The following SIPA1L3 variants were observed in gnomAD, a reference collection of about 807,000 sequenced individuals.
SIPA1L3 encodes the protein signal-induced proliferation-associated 1-like protein 3.
A neutral mutation model predicts 150.1 loss-of-function variants in SIPA1L3; 59 were observed. The observed-to-expected ratio is 0.39, with a 90% CI of 0.32 to 0.49. SIPA1L3 has a LOEUF of 0.49. SIPA1L3 is among the 20% of genes least tolerant of loss of function. SIPA1L3 has a pLI of 0.86. For synonymous variants in SIPA1L3, 1,070 were observed against 1,077.6 expected, an observed-to-expected ratio of 0.99 and a Z score of 0.14; for missense variants, 2,211 against 2,489.5, an observed-to-expected ratio of 0.89 and a Z score of 2.38.
At chr19:38,011,989 C>T (rs1197500328) in intron 1 of SIPA1L3, among the ~76,000 whole-genome samples, 1 of 151,980 alleles carries the variant, frequency 6.6e-6, no homozygotes, top group East Asian at 1.9e-4. Context: ...GAAGGATTCT[C>T]CCATGTGTCT....
intron 16 of SIPA1L3, among the ~76,000 whole-genome samples, chr19:38,187,108 A>C (rs1972699851): frequency 6.6e-6 from 1 of 151,326 alleles, no homozygotes; most frequent in Non-Finnish European, 1.5e-5. Flanking sequence ...TGAGGCTGGG[A>C]GTTGGAAGCC....
intron 15 of SIPA1L3, among the ~76,000 whole-genome samples, chr19:38,173,879 C>G (rs1972383450): frequency 1.3e-5 from 2 of 151,796 alleles, no homozygotes; most frequent in South Asian, 4.2e-4. Flanking sequence ...AGCAGTGTTT[C>G]TGATGTGTTT....
At chr19:38,024,730 G>T (rs1296863825) in intron 1 of SIPA1L3, among the ~76,000 whole-genome samples, 1 of 152,074 alleles carries the variant, frequency 6.6e-6, no homozygotes, top group Non-Finnish European at 1.5e-5. Flanking sequence ...TTCCTGGAGG[G>T]ACATGACATA....
At chr19:38,014,794 C>T (rs998756601) in intron 1 of SIPA1L3, among the ~76,000 whole-genome samples, 9 of 151,820 alleles carry the variant, frequency 5.9e-5, no homozygotes, top group Non-Finnish European at 8.8e-5. Flanking sequence ...CTCAGCCTCC[C>T]GAGTAGCTGG....
At chr19:37,940,634 G>A (rs764102608) in intron 1 of SIPA1L3, among the ~76,000 whole-genome samples, 2 of 152,072 alleles carry the variant, frequency 1.3e-5, no homozygotes, top group Non-Finnish European at 2.9e-5. Context: ...TTAATCTATG[G>A]CTTCTCCCTC....
chr19:37,920,714 CT>C (rs1238354478), intron 1 of SIPA1L3, among the ~76,000 whole-genome samples: 1 of 151,996 alleles, frequency 6.6e-6, no homozygotes, highest in African/African-American at 2.4e-5. Context: ...TTGCTTTTTT[CT>C]TTTTTTTGTC....
chr19:38,192,010 C>T (rs1972814903), intron 16 of SIPA1L3, 135 bp from the exon 17 acceptor site: 1 of 736,934 alleles, frequency 1.4e-6, no homozygotes, highest in Non-Finnish European at 2.2e-6. Flanking sequence ...CCCTCTCTGC[C>T]ACGCGTTTGC....
intron 18 of SIPA1L3, among the ~76,000 whole-genome samples, chr19:38,196,657 AGCAAGG>A (rs1451643188): frequency 6.6e-6 from 1 of 150,764 alleles, no homozygotes; most frequent in Non-Finnish European, 1.5e-5. Flanking sequence ...TCAAGGGAAG[AGCAAGG>A]AGGCCAAGGG....
chr19:38,073,427 C>G (rs921566784), intron 2 of SIPA1L3, among the ~76,000 whole-genome samples: 5 of 152,226 alleles, frequency 3.3e-5, no homozygotes, highest in Admixed American at 3.3e-4. Flanking sequence ...GGATAGTCTT[C>G]CGTTACTCGC....
At chr19:37,956,552 C>T (rs754833657) in intron 1 of SIPA1L3, among the ~76,000 whole-genome samples, 21 of 144,608 alleles carry the variant, frequency 1.5e-4, no homozygotes, top group Non-Finnish European at 2.5e-4. Context: ...GGCACAATCT[C>T]GGCTCACTGC....
At chr19:38,112,108 CA>C (rs973502717) in intron 8 of SIPA1L3, among the ~76,000 whole-genome samples, 2 of 150,422 alleles carry the variant, frequency 1.3e-5, no homozygotes, top group African/African-American at 4.9e-5. Context: ...TACATGCACA[CA>C]CATACATGCA....
chr19:38,123,754 T>C (rs1292438669), intron 9 of SIPA1L3, among the ~76,000 whole-genome samples: 1 of 152,098 alleles, frequency 6.6e-6, no homozygotes, highest in Non-Finnish European at 1.5e-5. Context: ...ATTGTCATCA[T>C]GGCCCGTTCT....
intron 1 of SIPA1L3, among the ~76,000 whole-genome samples, chr19:37,995,799 G>T (rs1193959095): frequency 6.6e-6 from 1 of 152,212 alleles, no homozygotes; most frequent in Non-Finnish European, 1.5e-5. Context: ...GATGCAGCCC[G>T]AGTATGGGGC....
At chr19:37,932,856 CCGGGTGTTGA>C (rs1445393424) in intron 1 of SIPA1L3, among the ~76,000 whole-genome samples, 2 of 152,078 alleles carry the variant, frequency 1.3e-5, no homozygotes, top group African/African-American at 4.8e-5. Context: ...AAAGAGTGGG[CCGGGTGTTGA>C]CGGACTGAGA....
chr19:38,188,792 G>A (rs559515889), intron 16 of SIPA1L3, among the ~76,000 whole-genome samples: 4 of 151,814 alleles, frequency 2.6e-5, no homozygotes, highest in Admixed American at 6.6e-5. Flanking sequence ...GCGTGGTGGC[G>A]GGCACCTGTA....
chr19:38,071,022 C>T (rs1969702467), intron 2 of SIPA1L3, among the ~76,000 whole-genome samples: 1 of 152,150 alleles, frequency 6.6e-6, no homozygotes, highest in Admixed American at 6.5e-5. Context: ...CCATCCCACC[C>T]CTACAAGCTA....
intron 1 of SIPA1L3, among the ~76,000 whole-genome samples, chr19:38,010,748 T>G (rs774608261): frequency 1.3e-4 from 20 of 152,156 alleles, no homozygotes; most frequent in Admixed American, 9.8e-4. Context: ...GTACACACTC[T>G]GGAGTCAGGC....
intron 8 of SIPA1L3, among the ~76,000 whole-genome samples, chr19:38,117,808 C>A (rs1192695568): frequency 6.6e-6 from 1 of 151,800 alleles, no homozygotes. Flanking sequence ...TTTTTTGACA[C>A]AGGGTCTCTC....
chr19:38,189,635 A>G (rs28495744), intron 16 of SIPA1L3, among the ~76,000 whole-genome samples: 30,844 of 151,908 alleles, frequency 0.2, 4,267 homozygotes, highest in African/African-American at 0.4. Context: ...GCGTGGTGGC[A>G]GGCGCCTGTA....
Sources: gnomAD v4.1 joint callset for allele counts (sites outside exome capture counted in the v4.1 genomes callset) on GRCh38, gnomAD v4.1.1 for gene constraint, MANE v1.5 for transcripts, NCBI Gene and HGNC (gene_info 2026-07-23, HGNC 2026-07-21) for gene names.